TMEM266: variants seen among roughly 807,000 people sequenced by gnomAD.
TMEM266 encodes transmembrane protein 266.
Under a neutral mutation model 50.5 loss-of-function variants are expected in TMEM266, and 33 were observed. That is an observed-to-expected ratio of 0.65 (90% CI 0.50 to 0.87). The LOEUF (loss-of-function observed/expected upper bound fraction) is 0.87. Ranked by LOEUF, TMEM266 falls within the 40% of genes least tolerant of loss-of-function variation. The pLI, the probability that TMEM266 is intolerant of heterozygous loss-of-function variation, is 0.00. For synonymous variants in TMEM266, 310 were observed against 292.3 expected (o/e 1.06, Z -0.62); for missense variants, 655 against 695.1 (o/e 0.94, Z 0.65).
In TMEM266 at chr15:76,137,853, C is replaced by T. The variant is rs372015383; in HGVS notation, c.185C>T (p.Ser62Leu). 1.2e-5 allele frequency: 20 copies of T among 1,602,872 alleles called. No homozygotes were observed. The highest frequency in any genetic ancestry group is 1.5e-5 in the Non-Finnish European group (18 of 1,174,678). The change falls in exon 3 of 11, where the codon TCG becomes TTG. Residue 62 changes from serine (S) to leucine (L), a missense_variant. Ser to Leu is a moderately radical substitution (Grantham distance 145). This residue lies in a region of TMEM266 where 99 missense variants were observed against 110.8 expected (regional missense o/e 0.89). Coordinates refer to ENST00000388942, the MANE Select transcript of TMEM266 (RefSeq NM_152335.3). Reference sequence around the variant, plus strand: ...GCTGTCGATCTCTCCACGGCGGGCTCGCAGCTCCTGTCAAATCTGGACGAA... The same window carrying T: ...GCTGTCGATCTCTCCACGGCGGGCTTGCAGCTCCTGTCAAATCTGGACGAA...
intron 1 of TMEM266, among the ~76,000 whole-genome samples, chr15:76,078,576 C>T (rs550697955): frequency 6.6e-6 from 1 of 152,288 alleles, no homozygotes; most frequent in South Asian, 2.1e-4. Context: ...TCTAATGTCA[C>T]CATTGATCTC....
chr15:76,178,094 A>G (rs543242234), intron 8 of TMEM266, among the ~76,000 whole-genome samples: 1 of 152,218 alleles, frequency 6.6e-6, no homozygotes, highest in African/African-American at 2.4e-5. Context: ...GATTGGGGAC[A>G]GGCTTGGGAA....
chr15:76,159,812 A>C (rs572656304), intron 4 of TMEM266, among the ~76,000 whole-genome samples: 1 of 152,130 alleles, frequency 6.6e-6, no homozygotes, highest in African/African-American at 2.4e-5. Flanking sequence ...AAGCCCACCA[A>C]GACCAAGCAG....
chr15:76,204,513 TCTC>T lies in TMEM266; in HGVS notation c.*199_*201del. ...CTCAAAGCCCAGAGCTGGCGCCTCTTCTCGCCCTGCTCAGGGGAGGGTGGTGCT... is the reference window on the plus strand; with the variant it reads ...CTCAAAGCCCAGAGCTGGCGCCTCTTGCCCTGCTCAGGGGAGGGTGGTGCT... On this transcript the variant is annotated 3_prime_UTR_variant, in exon 11 of 11. Transcript: ENST00000388942. 1 of 508,908 alleles carries T rather than the reference TCTC, an allele frequency of 2.0e-6. No individual in the cohort carries two copies. Among genetic ancestry groups the T allele is most frequent in the Non-Finnish European group, 3.5e-6 (1 of 288,442 alleles). The allele number at this position is 508,908 out of a possible 1,614,324, so 31.5% of individuals were successfully genotyped here.
intron 1 of TMEM266, among the ~76,000 whole-genome samples, chr15:76,067,997 G>T (rs750810116): frequency 8.5e-5 from 13 of 152,152 alleles, no homozygotes; most frequent in Non-Finnish European, 1.0e-4. Flanking sequence ...CATAAAGTAG[G>T]ACTGACAAGG....
At chr15:76,076,957 G>GT (rs775992925) in intron 1 of TMEM266, among the ~76,000 whole-genome samples, 4 of 151,480 alleles carry the variant, frequency 2.6e-5, no homozygotes, top group African/African-American at 7.3e-5. Flanking sequence ...TTGTTTGTTT[G>GT]TTGTTGTTGT....
intron 9 of TMEM266, among the ~76,000 whole-genome samples, chr15:76,199,762 G>GTCCCTCCC (rs10669067): frequency 0.96 from 142,755 of 148,618 alleles, 68,828 homozygotes; most frequent in Non-Finnish European, 1. Flanking sequence ...GTAAACACTA[G>GTCCCTCCC]TCCCTCCCTC....
intron 1 of TMEM266, among the ~76,000 whole-genome samples, chr15:76,101,336 C>T (rs926311848): frequency 2.0e-5 from 3 of 152,176 alleles, no homozygotes; most frequent in Non-Finnish European, 2.9e-5. Flanking sequence ...TTTACAGGCA[C>T]AGAGGTTAAA....
At chr15:76,086,019 G>C (rs2141994883) in intron 1 of TMEM266, among the ~76,000 whole-genome samples, 1 of 150,388 alleles carries the variant, frequency 6.6e-6, no homozygotes, top group Admixed American at 6.6e-5. Context: ...TTGCACTCCA[G>C]CCTGGGCGAT....
chr15:76,147,732 C>G (rs1489495406), intron 3 of TMEM266, among the ~76,000 whole-genome samples: 2 of 152,196 alleles, frequency 1.3e-5, no homozygotes, highest in African/African-American at 4.8e-5. Flanking sequence ...GAGAAGTTTC[C>G]TAAAGAAATC....
chr15:76,095,985 C>A (rs951826864), intron 1 of TMEM266, among the ~76,000 whole-genome samples: 2 of 151,914 alleles, frequency 1.3e-5, no homozygotes, highest in African/African-American at 4.8e-5. Flanking sequence ...TTTTTTATTG[C>A]ATCTATTTGA....
At position 76,081,832 on chromosome 15, in the gene TMEM266, A is replaced by G. The variant is rs570204625; in HGVS notation, c.-97+21816A>G. On this transcript the variant is annotated intron_variant, in intron 1 of 10. Transcript: ENST00000388942. ...CCATGGCACAGCTGGAAGAGTGCCT[A>G]TCTGATGGCATTATGCAGATTCAGG... Among the ~76,000 whole-genome samples the G allele has an allele frequency of 6.8e-4, 103 of 152,328 alleles. 1 individual carries two copies. The highest frequency in any genetic ancestry group is 2.2e-3 in the African/African-American group (93 of 41,588).
intron 1 of TMEM266, among the ~76,000 whole-genome samples, chr15:76,120,111 C>T (rs1437781489): frequency 6.6e-6 from 1 of 151,654 alleles, no homozygotes; most frequent in African/African-American, 2.4e-5. Flanking sequence ...CTCTTTAGCC[C>T]AGTAATGTCA....
rs1215668610 is a variant in TMEM266, at chr15:76,161,313, G to A, written c.456+1145G>A. Reference sequence around the variant, plus strand: ...GAGCTGCTCTACCTGAGGCACAGGGGCTCTGGGACCCCGAGACGGGGGGCC... The same window carrying A: ...GAGCTGCTCTACCTGAGGCACAGGGACTCTGGGACCCCGAGACGGGGGGCC... On this transcript the variant is annotated intron_variant, in intron 5 of 10. Coordinates refer to ENST00000388942, the MANE Select transcript of TMEM266 (RefSeq NM_152335.3). The surrounding 1 kb of genome is among the most constrained non-coding windows in gnomAD (Gnocchi z 4.1). Among the ~76,000 whole-genome samples, 2 of 152,168 alleles carry A rather than the reference G, an allele frequency of 1.3e-5. No homozygotes were observed. Among genetic ancestry groups the A allele is most frequent in the Non-Finnish European group, 2.9e-5 (2 of 68,034 alleles).
chr15:76,146,923 C>T (rs2037765700), intron 3 of TMEM266, among the ~76,000 whole-genome samples: 1 of 152,228 alleles, frequency 6.6e-6, no homozygotes. Flanking sequence ...CAGTACCGGG[C>T]CAGGGGCTTC....
At chr15:76,103,621 T>G (rs1446778659) in intron 1 of TMEM266, among the ~76,000 whole-genome samples, 5 of 152,044 alleles carry the variant, frequency 3.3e-5, no homozygotes, top group Non-Finnish European at 7.4e-5. Context: ...GATAAAAATG[T>G]GTATTTGGGG....
At chr15:76,138,998 A>G (rs1163619356) in intron 3 of TMEM266, among the ~76,000 whole-genome samples, 1 of 151,924 alleles carries the variant, frequency 6.6e-6, no homozygotes, top group Non-Finnish European at 1.5e-5. Flanking sequence ...CAGACTTCCG[A>G]CTCTGACAAG....
At chr15:76,120,887 A>C (rs1336801200) in intron 1 of TMEM266, among the ~76,000 whole-genome samples, 1 of 150,822 alleles carries the variant, frequency 6.6e-6, no homozygotes, top group Non-Finnish European at 1.5e-5. Flanking sequence ...AGCAGGAAAA[A>C]TAGAAAAACA....
intron 10 of TMEM266, among the ~76,000 whole-genome samples, 167 bp downstream of exon 10, chr15:76,202,431 T>C (rs1010104609): frequency 6.6e-6 from 1 of 152,144 alleles, no homozygotes; most frequent in Non-Finnish European, 1.5e-5. Flanking sequence ...TCCAGCAAAC[T>C]CCAGCACTGG....
Sources: allele counts gnomAD v4.1 joint callset (sites outside exome capture counted in the v4.1 genomes callset), GRCh38; gene constraint gnomAD v4.1.1; regional missense constraint gnomAD v4.1.1; non-coding constraint Gnocchi (gnomAD v3.1); transcripts MANE v1.5; gene names NCBI Gene and HGNC (gene_info 2026-07-23, HGNC 2026-07-21).